Variants in MCC observed in about 807,000 individuals in gnomAD.
The protein encoded by MCC is colorectal mutant cancer protein.
Under a neutral mutation model 116.2 loss-of-function variants are expected in MCC, and 90 were observed. The ratio of observed to expected loss-of-function variants is 0.77; its 90% CI spans 0.65 to 0.92. The LOEUF (loss-of-function observed/expected upper bound fraction) is 0.92. Ranked by LOEUF, MCC falls within the 40% of genes least tolerant of loss-of-function variation. The pLI is 0.00. For missense variants in MCC, 1,516 were observed against 1,312.2 expected (o/e 1.16, Z -2.40); for synonymous variants, 578 against 510.5 (o/e 1.13, Z -1.78).
At chr5:113,353,761 G>C (rs1768340805) in intron 2 of MCC, among the ~76,000 whole-genome samples, 1 of 152,206 alleles carries the variant, frequency 6.6e-6, no homozygotes, top group South Asian at 2.1e-4. Flanking sequence ...GACATGTTGT[G>C]ATATTTTTAT....
At chr5:113,333,929 T>G (rs1767808136) in intron 3 of MCC, among the ~76,000 whole-genome samples, 1 of 51,202 alleles carries the variant, frequency 2.0e-5, no homozygotes, top group Non-Finnish European at 3.8e-5. Flanking sequence ...TATATATCTA[T>G]TTGAGGGAAG....
At chr5:113,204,627 G>A (rs1762832122) in intron 3 of MCC, 4 of 152,226 alleles carry the variant, frequency 2.6e-5, no homozygotes, top group Admixed American at 2.6e-4. Flanking sequence ...GAGCGAGCAG[G>A]CCCTGAGCTG....
intron 3 of MCC, among the ~76,000 whole-genome samples, chr5:113,283,930 G>A (rs1766149654): frequency 6.6e-6 from 1 of 152,124 alleles, no homozygotes; most frequent in African/African-American, 2.4e-5. Context: ...TGAAGACGAT[G>A]AAGATGAAGA....
chr5:113,228,450 T>C (rs1763826572), intron 3 of MCC, among the ~76,000 whole-genome samples: 1 of 152,080 alleles, frequency 6.6e-6, no homozygotes, highest in African/African-American at 2.4e-5. Context: ...AAGGTGACAT[T>C]TGAGTAGACC....
intron 3 of MCC, among the ~76,000 whole-genome samples, chr5:113,270,870 G>C (rs753571329): frequency 2.6e-5 from 4 of 151,764 alleles, no homozygotes; most frequent in Admixed American, 6.6e-5. Flanking sequence ...TTGACAGAAA[G>C]ATAACTGCTT....
intron 17 of MCC, among the ~76,000 whole-genome samples, chr5:113,030,931 T>C (rs889134543): frequency 6.6e-6 from 1 of 152,200 alleles, no homozygotes; most frequent in African/African-American, 2.4e-5. Context: ...ATTTTGTATA[T>C]TTTCTGTAAA....
chr5:113,122,237 G>T (rs1252758170), intron 6 of MCC, among the ~76,000 whole-genome samples: 1 of 152,118 alleles, frequency 6.6e-6, no homozygotes, highest in Non-Finnish European at 1.5e-5. Context: ...AGGAATATAT[G>T]ATCATTCTCT....
At chr5:113,247,250 T>G (rs1764615177) in intron 3 of MCC, among the ~76,000 whole-genome samples, 1 of 152,084 alleles carries the variant, frequency 6.6e-6, no homozygotes, top group Admixed American at 6.5e-5. Context: ...TGACAAAAGC[T>G]TTGTGAAGGC....
At chr5:113,325,202 G>T (rs10056104) in intron 3 of MCC, among the ~76,000 whole-genome samples, 4,761 of 152,154 alleles carry the variant, frequency 0.031, 247 homozygotes, top group African/African-American at 0.1. Flanking sequence ...AAGGTGTTGT[G>T]TGATAACATT....
chr5:113,186,583 C>A (rs1224277631), intron 3 of MCC, among the ~76,000 whole-genome samples: 1 of 152,066 alleles, frequency 6.6e-6, no homozygotes, highest in Non-Finnish European at 1.5e-5. Context: ...TAAAGCCTGC[C>A]CTACAGCAGC....
intron 18 of MCC, among the ~76,000 whole-genome samples, chr5:113,028,511 G>GAAGAGTCCTGAGCCCAGTCT (rs1750736063): frequency 6.6e-6 from 1 of 152,104 alleles, no homozygotes; most frequent in Non-Finnish European, 1.5e-5. Context: ...TTTTTATAGA[G>GAAGAGTCCTGAGCCCAGTCT]AAGAGTCCTG....
chr5:113,468,952 T>C (rs1287551369), intron 1 of MCC, among the ~76,000 whole-genome samples: 4 of 152,216 alleles, frequency 2.6e-5, no homozygotes, highest in Non-Finnish European at 1.5e-5. Flanking sequence ...TCTTCTAGAT[T>C]TTCTAGTTTA....
At chr5:113,344,939 A>G (rs908855737) in intron 2 of MCC, among the ~76,000 whole-genome samples, 1 of 152,072 alleles carries the variant, frequency 6.6e-6, no homozygotes, top group African/African-American at 2.4e-5. Flanking sequence ...TCTGTCTTGC[A>G]CCGCAGGTAC....
intron 3 of MCC, among the ~76,000 whole-genome samples, chr5:113,189,419 T>G (rs1166814739): frequency 6.6e-6 from 1 of 152,230 alleles, no homozygotes; most frequent in Non-Finnish European, 1.5e-5. Context: ...AAGCAGAGAT[T>G]GACCATGCTG....
intron 2 of MCC, among the ~76,000 whole-genome samples, chr5:113,348,665 C>G (rs1225859992): frequency 6.6e-6 from 1 of 151,588 alleles, no homozygotes. Flanking sequence ...AAAGTAAGAG[C>G]AAATCAAACC....
At chr5:113,351,545 G>T (rs7731164) in intron 2 of MCC, among the ~76,000 whole-genome samples, 4,622 of 152,242 alleles carry the variant, frequency 0.03, 231 homozygotes, top group African/African-American at 0.11. Context: ...AAGCTGGAAA[G>T]GGTAGTGGGG....
chr5:113,059,145 T>A (rs373814414), intron 14 of MCC, among the ~76,000 whole-genome samples: 2 of 149,648 alleles, frequency 1.3e-5, no homozygotes, highest in Non-Finnish European at 1.5e-5. Flanking sequence ...AGGAAGGAAA[T>A]AAAAAAAAAA....
At chr5:113,193,937 T>C (rs183182880) in intron 3 of MCC, among the ~76,000 whole-genome samples, 10 of 152,168 alleles carry the variant, frequency 6.6e-5, no homozygotes, top group Admixed American at 2.0e-4. Context: ...AAAGTGTATT[T>C]TGTGACCTAT....
chr5:113,289,708 T>C (rs574772310), intron 3 of MCC, among the ~76,000 whole-genome samples: 2 of 152,318 alleles, frequency 1.3e-5, no homozygotes, highest in African/African-American at 4.8e-5. Context: ...ATTCATATGA[T>C]TAAGCCATCT....
Sources: allele counts gnomAD v4.1 joint callset (sites outside exome capture counted in the v4.1 genomes callset), GRCh38; gene constraint gnomAD v4.1.1; transcripts MANE v1.5; gene names NCBI Gene and HGNC (gene_info 2026-07-23, HGNC 2026-07-21).